ADAMTS18: variants seen among roughly 807,000 people sequenced by gnomAD.
ADAMTS18 encodes the protein A disintegrin and metalloproteinase with thrombospondin motifs 18.
In ADAMTS18, 157 loss-of-function variants were observed where a neutral mutation model predicts 165.9. The observed-to-expected ratio is 0.95, with a 90% CI of 0.83 to 1.08. ADAMTS18 has a LOEUF of 1.08. ADAMTS18 is among the 50% of genes least tolerant of loss of function. The pLI, the probability that ADAMTS18 is intolerant of heterozygous loss-of-function variation, is 0.00. For synonymous variants in ADAMTS18, 782 were observed against 578.2 expected (o/e 1.35, Z -5.06); for missense variants, 2,040 against 1,534.0 (o/e 1.33, Z -5.51).
chr16:77,389,916 C>T (rs567541458), intron 3 of ADAMTS18, among the ~76,000 whole-genome samples: 17 of 152,230 alleles, frequency 1.1e-4, no homozygotes, highest in South Asian at 4.2e-4. Context: ...AATAAGATAA[C>T]GTGTGCCCAC....
intron 16 of ADAMTS18, among the ~76,000 whole-genome samples, chr16:77,306,039 A>G (rs2055676035): frequency 6.6e-6 from 1 of 152,168 alleles, no homozygotes; most frequent in Non-Finnish European, 1.5e-5. Flanking sequence ...ACATCACAAT[A>G]ATGCCATTGC....
intron 3 of ADAMTS18, among the ~76,000 whole-genome samples, chr16:77,388,699 C>T (rs274542): frequency 0.36 from 54,533 of 152,028 alleles, 11,650 homozygotes; most frequent in Middle Eastern, 0.49. Context: ...ATTTCATTTG[C>T]TGCTTCACGG....
intron 3 of ADAMTS18, among the ~76,000 whole-genome samples, chr16:77,406,761 C>A (rs957734850): frequency 6.6e-6 from 1 of 151,988 alleles, no homozygotes; most frequent in African/African-American, 2.4e-5. Context: ...CATACACACA[C>A]AGCCATAAAA....
At chr16:77,296,330 A>G (rs1054406082) in intron 18 of ADAMTS18, among the ~76,000 whole-genome samples, 1 of 152,060 alleles carries the variant, frequency 6.6e-6, no homozygotes, top group Non-Finnish European at 1.5e-5. Flanking sequence ...TGGAGTTACC[A>G]CTTGGCCTAT....
chr16:77,326,101 A>G, intron 12 of ADAMTS18, 63 bp from the exon 13 acceptor site: 1 of 1,510,538 alleles, frequency 6.6e-7, no homozygotes, highest in Non-Finnish European at 9.1e-7. Context: ...AGTCACATGC[A>G]ATAATATGAA....
chr16:77,325,629 T>C (rs911227280), intron 13 of ADAMTS18, among the ~76,000 whole-genome samples: 1 of 150,484 alleles, frequency 6.6e-6, no homozygotes, highest in Non-Finnish European at 1.5e-5. Flanking sequence ...TCCAAACATA[T>C]GAAACCTTGG....
At chr16:77,327,314 T>C (rs2056112286) in intron 12 of ADAMTS18, among the ~76,000 whole-genome samples, 1 of 152,156 alleles carries the variant, frequency 6.6e-6, no homozygotes, top group Non-Finnish European at 1.5e-5. Context: ...CATTGTGTAG[T>C]CTTTTATCCC....
intron 3 of ADAMTS18, among the ~76,000 whole-genome samples, chr16:77,393,296 A>T (rs2057214187): frequency 6.6e-6 from 1 of 152,202 alleles, no homozygotes; most frequent in Non-Finnish European, 1.5e-5. Context: ...TGTGGTCTCA[A>T]CATGAAAGGC....
At chr16:77,367,744 C>T (rs766579995) in intron 3 of ADAMTS18, 21 bp from the exon 4 acceptor site, 50 of 1,614,192 alleles carry the variant, frequency 3.1e-5, no homozygotes, top group Middle Eastern at 1.6e-4. Context: ...AAACACAAAG[C>T]AAACAGTCAT....
intron 19 of ADAMTS18, 66 bp from the exon 20 acceptor site, chr16:77,293,324 A>AC: frequency 1.5e-6 from 2 of 1,349,952 alleles, no homozygotes; most frequent in Non-Finnish European, 2.1e-6. Flanking sequence ...TAAAAAAAAA[A>AC]ACAACACACT....
intron 10 of ADAMTS18, among the ~76,000 whole-genome samples, chr16:77,343,655 A>C (rs2056432521): frequency 6.6e-6 from 1 of 152,202 alleles, no homozygotes; most frequent in African/African-American, 2.4e-5. Flanking sequence ...CAACCACTAC[A>C]CTAGGCCTGG....
At chr16:77,366,516 G>A (rs1332701549) in intron 4 of ADAMTS18, among the ~76,000 whole-genome samples, 3 of 152,250 alleles carry the variant, frequency 2.0e-5, no homozygotes, top group East Asian at 1.9e-4. Context: ...CAGAGATCGC[G>A]CCACTTCACT....
At chr16:77,332,410 T>C (rs529452618) in intron 12 of ADAMTS18, among the ~76,000 whole-genome samples, 1 of 152,074 alleles carries the variant, frequency 6.6e-6, no homozygotes, top group Non-Finnish European at 1.5e-5. Flanking sequence ...ACCACACAGA[T>C]CCCAGAACCT....
At chr16:77,376,540 A>G (rs950283052) in intron 3 of ADAMTS18, among the ~76,000 whole-genome samples, 118 of 152,272 alleles carry the variant, frequency 7.7e-4, no homozygotes, top group African/African-American at 2.7e-3. Context: ...GCCGAGGGAA[A>G]GGACTGGGTT....
At chr16:77,333,277 CAG>C (rs2056220100) in intron 12 of ADAMTS18, among the ~76,000 whole-genome samples, 1 of 151,966 alleles carries the variant, frequency 6.6e-6, no homozygotes, top group Non-Finnish European at 1.5e-5. Flanking sequence ...CACTTTAAAA[CAG>C]TGTTTTCTCA....
chr16:77,413,044 T>G (rs1597244521), intron 3 of ADAMTS18, among the ~76,000 whole-genome samples: 1 of 152,224 alleles, frequency 6.6e-6, no homozygotes, highest in Non-Finnish European at 1.5e-5. Flanking sequence ...TACATTTATA[T>G]GTATAAAAAA....
intron 13 of ADAMTS18, among the ~76,000 whole-genome samples, chr16:77,325,424 C>T (rs1305802826): frequency 1.3e-5 from 2 of 152,026 alleles, no homozygotes; most frequent in Non-Finnish European, 2.9e-5. Context: ...TGTCTGCGTG[C>T]ATGCACACAC....
At chr16:77,336,040 C>T in intron 11 of ADAMTS18, 136 bp from the exon 12 acceptor site, 1 of 1,055,794 alleles carries the variant, frequency 9.5e-7, no homozygotes, top group South Asian at 1.3e-5. Context: ...TTGATAAATT[C>T]CTCTGCTGTG....
At chr16:77,415,205 T>C (rs1222553948) in intron 3 of ADAMTS18, among the ~76,000 whole-genome samples, 2 of 152,268 alleles carry the variant, frequency 1.3e-5, no homozygotes, top group Non-Finnish European at 2.9e-5. Flanking sequence ...TCAGCCAGTA[T>C]ATGCTCAATG....
Sources: allele counts gnomAD v4.1 joint callset (sites outside exome capture counted in the v4.1 genomes callset), GRCh38; gene constraint gnomAD v4.1.1; transcripts MANE v1.5; gene names NCBI Gene and HGNC (gene_info 2026-07-23, HGNC 2026-07-21).